The following PDE4D variants were observed in gnomAD, a reference collection of about 807,000 sequenced individuals.
PDE4D encodes the protein 3',5'-cyclic-AMP phosphodiesterase 4D.
PDE4D carries 24 observed loss-of-function variants against 87.4 expected under a neutral mutation model. The ratio of observed to expected loss-of-function variants is 0.27; its 90% CI spans 0.20 to 0.39. The LOEUF (loss-of-function observed/expected upper bound fraction) is 0.39, where lower values mean the gene tolerates loss of function less well. PDE4D is among the 10% of genes least tolerant of loss of function. PDE4D has a pLI of 1.00. For missense variants in PDE4D, 714 were observed against 1,041.0 expected, an observed-to-expected ratio of 0.69 and a Z score of 4.32; for synonymous variants, 384 against 383.2, an observed-to-expected ratio of 1.00 and a Z score of -0.02.
At chr5:60,196,035 T>G (rs1475554042) in intron 1 of PDE4D, among the ~76,000 whole-genome samples, 1 of 151,718 alleles carries the variant, frequency 6.6e-6, no homozygotes, top group Non-Finnish European at 1.5e-5. Flanking sequence ...ATGAATAATA[T>G]GCAGGCGGTC....
chr5:60,302,217 T>C lies in PDE4D; in HGVS notation c.-89-116530A>G, dbSNP rs967642159. Among the ~76,000 whole-genome samples the C allele has an allele frequency of 3.3e-5, 5 of 152,298 alleles. No individual in the cohort carries two copies. The East Asian group carries it at 7.7e-4, about 23-fold the overall frequency. ...TGAGTTAGGGAGGAGTCCCTCCTTT[T>C]TTTTGGAATAGTTTCAGCAGAAATA... On this transcript the variant is annotated intron_variant, in intron 1 of 16. Transcript: ENST00000502484.
At chr5:60,460,319 C>A in intron 1 of PDE4D, 2 of 1,021,336 alleles carry the variant, frequency 2.0e-6, no homozygotes, top group Non-Finnish European at 3.1e-6. Context: ...AGATTTTCAT[C>A]AAAATAAAAA....
chr5:59,900,263 TACACACACACACAC>T (rs765524262), intron 3 of PDE4D, among the ~76,000 whole-genome samples: 3 of 135,798 alleles, frequency 2.2e-5, no homozygotes, highest in African/African-American at 9.2e-5. Flanking sequence ...TATATATATA[TACACACACACACAC>T]ACACACACAC....
intron 1 of PDE4D, among the ~76,000 whole-genome samples, chr5:60,481,853 C>T (rs1169702766): frequency 6.6e-6 from 1 of 151,998 alleles, no homozygotes; most frequent in Admixed American, 6.6e-5. Flanking sequence ...ACATATGGAT[C>T]AAGAATTTAA....
At chr5:59,251,124 A>T (rs1759859703) in intron 1 of PDE4D, among the ~76,000 whole-genome samples, 1 of 152,164 alleles carries the variant, frequency 6.6e-6, no homozygotes, top group Non-Finnish European at 1.5e-5. Flanking sequence ...GCAGGCAAAG[A>T]TTCATGACAA....
intron 1 of PDE4D, among the ~76,000 whole-genome samples, chr5:59,763,299 A>C (rs1022360380): frequency 1.1e-4 from 16 of 151,928 alleles, no homozygotes; most frequent in African/African-American, 3.9e-4. Flanking sequence ...CATTGTGCAC[A>C]TGTACCCTAA....
At chr5:60,185,697 A>T in intron 1 of PDE4D, 1 of 696,248 alleles carries the variant, frequency 1.4e-6, no homozygotes, top group Non-Finnish European at 2.5e-6. Context: ...GCTGAAAAGA[A>T]AAGGAAGGAA....
intron 2 of PDE4D, chr5:60,147,644 G>T: frequency 3.1e-6 from 1 of 325,620 alleles, no homozygotes; most frequent in Middle Eastern, 1.0e-3. Flanking sequence ...AAGAATTCAG[G>T]AGAGCTTAGG....
At chr5:60,443,420 G>A (rs1184403557) in intron 1 of PDE4D, among the ~76,000 whole-genome samples, 1 of 152,190 alleles carries the variant, frequency 6.6e-6, no homozygotes, top group East Asian at 1.9e-4. Context: ...AATGGACAAT[G>A]AGAGATTAAA....
chr5:59,058,220 T>C (rs766408390), intron 5 of PDE4D, among the ~76,000 whole-genome samples: 1 of 152,186 alleles, frequency 6.6e-6, no homozygotes, highest in Non-Finnish European at 1.5e-5. Flanking sequence ...CATCTGAGAA[T>C]CATTAACTGG....
At chr5:60,274,319 G>T (rs897322317) in intron 1 of PDE4D, among the ~76,000 whole-genome samples, 11 of 146,674 alleles carry the variant, frequency 7.5e-5, no homozygotes, top group South Asian at 2.3e-4. Flanking sequence ...TTATTTTGTT[G>T]TTATTTGTTT....
chr5:59,810,490 T>C (rs1207102110), intron 1 of PDE4D, among the ~76,000 whole-genome samples: 2 of 152,250 alleles, frequency 1.3e-5, no homozygotes, highest in Admixed American at 1.3e-4. Context: ...TGGGAACTTA[T>C]AATGAAAAGA....
At chr5:59,839,992 T>C (rs947315439) in intron 1 of PDE4D, among the ~76,000 whole-genome samples, 1 of 152,078 alleles carries the variant, frequency 6.6e-6, no homozygotes. Context: ...CTGTCCTACA[T>C]GAGCTTGTGG....
intron 1 of PDE4D, among the ~76,000 whole-genome samples, chr5:59,309,298 A>C (rs1053048610): frequency 6.6e-6 from 1 of 151,916 alleles, no homozygotes; most frequent in Non-Finnish European, 1.5e-5. Flanking sequence ...AATTGTTACA[A>C]ACTTCAGCTA....
At chr5:59,559,097 G>A (rs538853225) in intron 1 of PDE4D, among the ~76,000 whole-genome samples, 1 of 152,188 alleles carries the variant, frequency 6.6e-6, no homozygotes, top group East Asian at 1.9e-4. Context: ...CTGTGGTCAT[G>A]AGGAAACTGC....
intron 1 of PDE4D, among the ~76,000 whole-genome samples, chr5:60,389,993 C>T (rs1762455201): frequency 2.0e-5 from 3 of 152,238 alleles, no homozygotes; most frequent in South Asian, 2.1e-4. Flanking sequence ...TATTCTCTCT[C>T]GCTCTCATAG....
chr5:60,367,536 G>A (rs532522099), intron 1 of PDE4D, among the ~76,000 whole-genome samples: 5 of 151,316 alleles, frequency 3.3e-5, no homozygotes, highest in African/African-American at 1.2e-4. Context: ...GCCCAAACTA[G>A]GTCATCTTTC....
intron 1 of PDE4D, among the ~76,000 whole-genome samples, chr5:59,854,390 T>C (rs915747582): frequency 6.6e-6 from 1 of 152,124 alleles, no homozygotes; most frequent in Non-Finnish European, 1.5e-5. Context: ...ATCAACTCTT[T>C]GTCTATGCAT....
At chr5:60,423,180 C>T (rs1284239081) in intron 1 of PDE4D, among the ~76,000 whole-genome samples, 3 of 152,092 alleles carry the variant, frequency 2.0e-5, no homozygotes, top group African/African-American at 7.2e-5. Context: ...AACTCAGCTC[C>T]GCAACAAGCG....
Sources: gnomAD v4.1 joint callset for allele counts (sites outside exome capture counted in the v4.1 genomes callset) on GRCh38, gnomAD v4.1.1 for gene constraint, MANE v1.5 for transcripts, NCBI Gene and HGNC (gene_info 2026-07-23, HGNC 2026-07-21) for gene names.